ZNF407: variants seen among roughly 807,000 people sequenced by gnomAD.
ZNF407 encodes zinc finger protein 407.
In ZNF407, 17 loss-of-function variants were observed where a neutral mutation model predicts 131.2. The observed-to-expected ratio is 0.13, with a 90% CI of 0.09 to 0.19. The LOEUF (loss-of-function observed/expected upper bound fraction) is 0.19, where lower values mean the gene tolerates loss of function less well. Among genes scored for constraint, ZNF407 ranks in the 10% least tolerant of loss-of-function variants. ZNF407 has a pLI of 1.00. For missense variants in ZNF407, 2,681 were observed against 2,830.6 expected, an observed-to-expected ratio of 0.95 and a Z score of 1.20; for synonymous variants, 1,156 against 1,062.0, an observed-to-expected ratio of 1.09 and a Z score of -1.72.
intron 3 of ZNF407, among the ~76,000 whole-genome samples, chr18:74,755,599 T>C (rs1568199633): frequency 1.4e-5 from 1 of 70,532 alleles, no homozygotes; most frequent in Non-Finnish European, 3.6e-5. Flanking sequence ...TTTTTTTTTT[T>C]TTTTTCTGAG....
Position 75,064,159 on chromosome 18 carries a change from C to T in ZNF407, c.6438C>T (p.Ile2146=), listed in dbSNP as rs773654067. 7.5e-6 allele frequency: 12 copies of T among 1,604,660 alleles called. No homozygotes were observed. In the Admixed American group the frequency reaches 1.7e-4, roughly 23 times the overall value. The stretch of plus-strand genomic sequence containing the variant: ...CCGACGGGGAGATCTCGCAGATCAT[C>T]GTGACGGAGGAGCTGGTCCAGGCCA... ...VESDGEISQI[I]VTEELVQAMV... The change falls in exon 9 of 9, where the codon ATC becomes ATT. Residue 2146 remains isoleucine (I), a synonymous_variant. Coordinates refer to ENST00000299687, the MANE Select transcript of ZNF407 (RefSeq NM_017757.3).
rs1411976713 is a variant in ZNF407 at position 74,630,954 on chromosome 18, G to T, written c.-53-13G>T. ...ATATTCAAGATTTAATACCATGTTT[G>T]TTTACTTCACAGGTTATGAGTGCCA... is the stretch of plus-strand genomic sequence containing the variant. On this transcript the variant is annotated splice_polypyrimidine_tract_variant and intron_variant, in intron 1 of 8. Transcript: ENST00000299687. 1.3e-6 allele frequency: 2 copies of T among 1,496,484 alleles called. No homozygotes were observed. The highest frequency in any genetic ancestry group is 1.8e-6 in the Non-Finnish European group (2 of 1,129,754). 92.7% of individuals were successfully genotyped at this position (1,496,484 alleles called of 1,614,324 possible). A position where few individuals can be genotyped will look rare whatever the true frequency, so the allele number is the denominator to read the frequency against.
rs184969759 is a variant in ZNF407, at chr18:75,021,557, G to A, written c.5429-41593G>A. ...AGTGCTGGAATTACAGGCATGAGCC[G>A]TCATGCCTGGCCCATTATACATTCT... On this transcript the variant is annotated intron_variant, in intron 8 of 8. Transcript: ENST00000299687. 2.1e-3 allele frequency among the ~76,000 whole-genome samples: 326 copies of A among 152,102 alleles called. 6 individuals are homozygous for A. The highest frequency in any genetic ancestry group is 7.2e-3 in the African/African-American group (300 of 41,514).
intron 8 of ZNF407, among the ~76,000 whole-genome samples, chr18:75,037,280 C>G (rs1333527074): frequency 6.6e-6 from 1 of 151,888 alleles, no homozygotes; most frequent in Admixed American, 6.6e-5. Flanking sequence ...TAAACAGATC[C>G]CTGTTCAGAG....
chr18:74,630,068 T>C (rs1162725714), intron 1 of ZNF407, among the ~76,000 whole-genome samples: 1 of 151,988 alleles, frequency 6.6e-6, no homozygotes, highest in Non-Finnish European at 1.5e-5. Context: ...GCACGAATGG[T>C]GATATGTAAT....
intron 4 of ZNF407, among the ~76,000 whole-genome samples, chr18:74,836,032 G>A (rs1027101325): frequency 6.6e-6 from 1 of 151,398 alleles, no homozygotes; most frequent in African/African-American, 2.4e-5. Context: ...AAAGAGGCAG[G>A]AAATTAGGGC....
At chr18:74,730,666 A>G (rs1409746705) in intron 3 of ZNF407, among the ~76,000 whole-genome samples, 1 of 152,176 alleles carries the variant, frequency 6.6e-6, no homozygotes, top group East Asian at 1.9e-4. Flanking sequence ...ACCCTGTACA[A>G]TTCTTCGAAG....
At chr18:74,931,686 A>G (rs1247157737) in intron 8 of ZNF407, among the ~76,000 whole-genome samples, 3 of 152,162 alleles carry the variant, frequency 2.0e-5, no homozygotes, top group Admixed American at 6.5e-5. Context: ...TATTTTTCAA[A>G]CTGTCTGTGC....
intron 8 of ZNF407, among the ~76,000 whole-genome samples, chr18:74,950,450 G>A (rs1425654617): frequency 2.6e-5 from 4 of 152,104 alleles, no homozygotes; most frequent in Admixed American, 2.6e-4. Flanking sequence ...TTGAACAGTA[G>A]CATAGACCTT....
chr18:74,631,109 T>G lies in ZNF407; in HGVS notation c.90T>G (p.Asn30Lys). The G allele has an allele frequency of 1.2e-6, 2 of 1,613,924 alleles. No homozygotes were observed. The highest frequency in any genetic ancestry group is 8.5e-7 in the Non-Finnish European group (1 of 1,179,894). ...ACTTGACAAAGCTTTCATCCCATAA[T>G]GAAGACGGTGGGCCTGTATCTGATG... ...AQDLTKLSSH[N>K]EDGGPVSDVI... Residue 30 changes from asparagine (N) to lysine (K), a missense_variant, in exon 2 of 9, where the codon AAT becomes AAG. Physicochemically the swap from Asn to Lys is moderately conservative, Grantham distance 94. This residue lies in a region of ZNF407 where 1,789 missense variants were observed against 1,748.7 expected (regional missense o/e 1.02). Transcript: ENST00000299687.
chr18:74,841,441 A>G (rs1257406756), intron 4 of ZNF407, among the ~76,000 whole-genome samples: 1 of 152,032 alleles, frequency 6.6e-6, no homozygotes, highest in East Asian at 1.9e-4. Context: ...TGTTGAATTT[A>G]AAGTTGGCGG....
chr18:74,630,728 T>C (rs921520760), intron 1 of ZNF407, among the ~76,000 whole-genome samples: 21 of 152,106 alleles, frequency 1.4e-4, no homozygotes, highest in Non-Finnish European at 2.8e-4. Context: ...TGTTGAGAAA[T>C]CACTTTTTCT....
intron 8 of ZNF407, among the ~76,000 whole-genome samples, chr18:75,047,907 T>C (rs1241751120): frequency 6.6e-6 from 1 of 152,290 alleles, no homozygotes; most frequent in Middle Eastern, 3.4e-3. Flanking sequence ...AAATACCTGA[T>C]GACGTTTAAT....
At chr18:74,691,720 A>T (rs1967228058) in intron 3 of ZNF407, among the ~76,000 whole-genome samples, 1 of 152,170 alleles carries the variant, frequency 6.6e-6, no homozygotes, top group Non-Finnish European at 1.5e-5. Flanking sequence ...CTTTTGTAGT[A>T]TTCAAGATAA....
intron 7 of ZNF407, among the ~76,000 whole-genome samples, chr18:74,911,569 G>A (rs1263680222): frequency 6.6e-6 from 1 of 151,952 alleles, no homozygotes; most frequent in East Asian, 1.9e-4. Flanking sequence ...AGTGTTTTTT[G>A]TATATTACAT....
At chr18:74,740,463 C>T (rs1447731729) in intron 3 of ZNF407, among the ~76,000 whole-genome samples, 4 of 152,198 alleles carry the variant, frequency 2.6e-5, no homozygotes, top group African/African-American at 9.6e-5. Flanking sequence ...CACCATTCAG[C>T]ACAGTACATA....
chr18:74,719,555 A>G (rs920612238), intron 3 of ZNF407, among the ~76,000 whole-genome samples: 1 of 151,806 alleles, frequency 6.6e-6, no homozygotes, highest in Non-Finnish European at 1.5e-5. Flanking sequence ...ACCCGCCACC[A>G]CGCCCGGCTA....
At chr18:74,889,782 AGT>A in intron 6 of ZNF407, 134 bp from the exon 7 acceptor site, 1 of 716,544 alleles carries the variant, frequency 1.4e-6, no homozygotes, top group Non-Finnish European at 2.2e-6. Flanking sequence ...AAATGTCCTA[AGT>A]GTGTGGAGTC....
intron 1 of ZNF407, among the ~76,000 whole-genome samples, chr18:74,630,113 GA>G (rs1169930896): frequency 1.3e-5 from 2 of 149,540 alleles, no homozygotes; most frequent in East Asian, 4.0e-4. Context: ...AATATATTTA[GA>G]AAAATCATGG....
Sources: gnomAD v4.1 joint callset for allele counts (sites outside exome capture counted in the v4.1 genomes callset) on GRCh38, gnomAD v4.1.1 for gene constraint, gnomAD v4.1.1 regional missense constraint, MANE v1.5 for transcripts, NCBI Gene and HGNC (gene_info 2026-07-23, HGNC 2026-07-21) for gene names.